The following CCDC33 variants were observed in gnomAD, a reference collection of about 807,000 sequenced individuals.
CCDC33 encodes the protein coiled-coil domain containing 33, also known as coiled-coil domain-containing protein 33.
A neutral mutation model predicts 91.9 loss-of-function variants in CCDC33; 94 were observed. The ratio of observed to expected loss-of-function variants is 1.02; its 90% CI spans 0.87 to 1.21. The LOEUF is 1.21. Among genes scored for constraint, CCDC33 ranks in the 50% most tolerant of loss-of-function variants. The pLI is 0.00. For missense variants in CCDC33, 940 were observed against 935.5 expected, an observed-to-expected ratio of 1.00 and a Z score of -0.06; for synonymous variants, 396 against 374.5, an observed-to-expected ratio of 1.06 and a Z score of -0.66.
intron 2 of CCDC33, among the ~76,000 whole-genome samples, chr15:74,222,408 T>TG (rs201976476): frequency 3.0e-3 from 1 of 338 alleles, no homozygotes; most frequent in Admixed American, 0.026. Context: ...AGGGGTGCAC[T>TG]GCTCCTCCCT....
chr15:74,289,610 G>A (rs1018419278), intron 10 of CCDC33, among the ~76,000 whole-genome samples: 12 of 152,174 alleles, frequency 7.9e-5, no homozygotes, highest in Non-Finnish European at 1.5e-4. Flanking sequence ...GCTACTTGGG[G>A]GCGTTGAGGC....
chr15:74,217,756 G>A (rs571263956), intron 1 of CCDC33, among the ~76,000 whole-genome samples: 7 of 152,222 alleles, frequency 4.6e-5, no homozygotes, highest in East Asian at 3.9e-4. Flanking sequence ...TTTGTAACCC[G>A]TGCCTCCTTC....
In CCDC33 at chr15:74,218,443, G is replaced by A; in HGVS notation, c.311-54G>A. 8.1e-7 allele frequency: 1 copy of A among 1,232,066 alleles called. No homozygotes were observed. Among genetic ancestry groups the A allele is most frequent in the South Asian group, 1.4e-5 (1 of 70,624 alleles). 76.3% of individuals were successfully genotyped at this position (1,232,066 alleles called of 1,614,324 possible). A position where few individuals can be genotyped will look rare whatever the true frequency, so the allele number is the denominator to read the frequency against. On this transcript the variant is annotated intron_variant, in intron 1 of 2. Transcript: ENST00000635913. The surrounding 1 kb of genome is among the most constrained non-coding windows in gnomAD (Gnocchi z 4.8). Reference sequence around the variant, plus strand: ...GCCCTGCCTGTCCTCCTAGTCACCTGGCAGATGCAGAGAAACCTGAGACCA... The same window carrying A: ...GCCCTGCCTGTCCTCCTAGTCACCTAGCAGATGCAGAGAAACCTGAGACCA...
intron 2 of CCDC33, among the ~76,000 whole-genome samples, chr15:74,255,052 T>C (rs1054786428): frequency 1.3e-5 from 2 of 151,936 alleles, no homozygotes; most frequent in African/African-American, 4.8e-5. Flanking sequence ...CTGGCCTCTA[T>C]ACTTTTTAAG....
chr15:74,272,845 T>C lies in CCDC33; in HGVS notation c.713T>C (p.Met238Thr), dbSNP rs759726985. The change falls in exon 7 of 19, where the codon ATG (methionine) becomes ACG (threonine). Residue 238 changes from methionine (M) to threonine (T), a missense_variant. By Grantham distance (81) the Met-to-Thr change is moderately conservative (BLOSUM62 -1). Transcript: ENST00000398814. ...CCACTGTCCTTCCCTATCCCGTCCA[T>C]GATGAACTTTGACGTGCCTCGCGTC... is the stretch of plus-strand genomic sequence containing the variant. ...ITPLSFPIPS[M>T]MNFDVPRVSQ... 3 of 1,614,248 alleles carry C rather than the reference T, an allele frequency of 1.9e-6. No individual in the cohort carries two copies. Among genetic ancestry groups the C allele is most frequent in the Non-Finnish European group, 2.5e-6 (3 of 1,180,046 alleles).
At chr15:74,318,234 A>G (rs918888945) in intron 11 of CCDC33, among the ~76,000 whole-genome samples, 20 of 151,880 alleles carry the variant, frequency 1.3e-4, no homozygotes, top group African/African-American at 4.8e-4. Context: ...GGAGGCAGAG[A>G]AAGTGGAGAA....
rs1306725027 is a variant in CCDC33 at position 74,271,742 on chromosome 15, C to T, written c.586C>T (p.Pro196Ser). 20 of 1,613,824 alleles carry T rather than the reference C, an allele frequency of 1.2e-5. No individual in the cohort carries two copies. The highest frequency in any genetic ancestry group is 1.6e-5 in the Non-Finnish European group (19 of 1,179,874). Residue 196 changes from proline to serine, a missense_variant, in exon 6 of 19, where the codon CCC becomes TCC. Coordinates refer to ENST00000398814, the MANE Select transcript of CCDC33 (RefSeq NM_025055.5). ...RGVNEPLANNPNPIVVIARVV... is the reference protein window; with the variant it reads ...RGVNEPLANNSNPIVVIARVV... ...AGTCAACGAGCCCCTGGCCAACAAC[C>T]CCAACCCCATAGTGGTGATTGCCCG...
In CCDC33 at chr15:74,281,825, C is replaced by G; in HGVS notation, c.1071C>G (p.Leu357=). The change falls in exon 10 of 19, where the codon CTC becomes CTG. Residue 357 remains leucine, a synonymous_variant. Coordinates refer to ENST00000398814, the MANE Select transcript of CCDC33 (RefSeq NM_025055.5). ...TINDEAPTVA[L]SFQLLSSERP... is the part of the protein sequence containing the mutation. ...ATGATGAGGCCCCCACAGTGGCTCT[C>G]TCCTTCCAGCTGCTTTCCTCTGAGG... is the stretch of plus-strand genomic sequence containing the variant. 6.8e-6 allele frequency: 11 copies of G among 1,614,098 alleles called. No individual in the cohort carries two copies. The highest frequency in any genetic ancestry group is 9.3e-6 in the Non-Finnish European group (11 of 1,179,986).
intron 1 of CCDC33, chr15:74,208,010 C>G: frequency 7.2e-7 from 1 of 1,389,056 alleles, no homozygotes; most frequent in Non-Finnish European, 9.3e-7. Flanking sequence ...ATGTGCCCTT[C>G]CTGCAATTCT....
intron 2 of CCDC33, among the ~76,000 whole-genome samples, chr15:74,223,715 C>T (rs1194602415): frequency 1.5e-5 from 2 of 135,814 alleles, no homozygotes; most frequent in Non-Finnish European, 3.1e-5. Flanking sequence ...CTGTGCCCAC[C>T]GCCAGCATAC....
chr15:74,299,338 C>G (rs550535118), intron 11 of CCDC33, among the ~76,000 whole-genome samples: 6 of 152,340 alleles, frequency 3.9e-5, no homozygotes, highest in Admixed American at 6.5e-5. Flanking sequence ...TAGGGCCACT[C>G]AGCCACCACC....
chr15:74,249,515 C>G (rs1201822723), intron 2 of CCDC33, among the ~76,000 whole-genome samples: 1 of 151,800 alleles, frequency 6.6e-6, no homozygotes, highest in Non-Finnish European at 1.5e-5. Context: ...ATAAAAACAA[C>G]TTGAATAGCC....
rs1461757309 is a variant in CCDC33, at chr15:74,271,787, G to A, written c.631G>A (p.Glu211Lys). 6.2e-7 allele frequency: 1 copy of A among 1,613,730 alleles called. No individual in the cohort carries two copies. The change falls in exon 6 of 19, where the codon GAA (glutamate) becomes AAA (lysine). Residue 211 changes from glutamate to lysine, a missense_variant. Coordinates refer to ENST00000398814, the MANE Select transcript of CCDC33 (RefSeq NM_025055.5). ...TGCCCGGGTCGTTCCCAACTACAAGGAATTTAAGTGAGTGGGGCCCAGGTG... is the reference window on the plus strand; with the variant it reads ...TGCCCGGGTCGTTCCCAACTACAAGAAATTTAAGTGAGTGGGGCCCAGGTG... Reference protein sequence around the residue: ...VIARVVPNYKEFKVSQANRDL... With the variant: ...VIARVVPNYKKFKVSQANRDL...
chr15:74,295,658 G>A lies in CCDC33; in HGVS notation c.1096-96G>A. On this transcript the variant is annotated intron_variant, in intron 10 of 18. Coordinates refer to ENST00000398814, the MANE Select transcript of CCDC33 (RefSeq NM_025055.5). ...AGCCATGCAGGGCCTCCTGAGCCATGAGGAGGAGAGGCTTGGGGTGTAGAT... is the reference window on the plus strand; with the variant it reads ...AGCCATGCAGGGCCTCCTGAGCCATAAGGAGGAGAGGCTTGGGGTGTAGAT... The A allele has an allele frequency of 5.6e-6, 6 of 1,064,436 alleles. No individual in the cohort carries two copies. The South Asian group carries it at 9.7e-5, about 17-fold the overall frequency. 65.9% of individuals were successfully genotyped at this position (1,064,436 alleles called of 1,614,324 possible). A position where few individuals can be genotyped will look rare whatever the true frequency, so the allele number is the denominator to read the frequency against.
intron 16 of CCDC33, chr15:74,333,304 A>G: frequency 6.3e-7 from 1 of 1,592,720 alleles, no homozygotes; most frequent in Non-Finnish European, 8.5e-7. Context: ...CAGAGTGCAC[A>G]GAGACCCTGC....
intron 2 of CCDC33, among the ~76,000 whole-genome samples, chr15:74,231,147 A>G (rs913572158): frequency 6.6e-6 from 1 of 152,192 alleles, no homozygotes; most frequent in Non-Finnish European, 1.5e-5. Context: ...GCAGGCCCCC[A>G]GAGCCTCCAG....
upstream of CCDC33, among the ~76,000 whole-genome samples, chr15:74,231,386 A>G (rs935161939): frequency 6.6e-6 from 1 of 152,208 alleles, no homozygotes; most frequent in Non-Finnish European, 1.5e-5. Context: ...CCGGCCAGCC[A>G]TGCCCAGCTG....
At chr15:74,311,050 C>T (rs1419214283) in intron 11 of CCDC33, among the ~76,000 whole-genome samples, 2 of 152,106 alleles carry the variant, frequency 1.3e-5, no homozygotes, top group Non-Finnish European at 2.9e-5. Flanking sequence ...CGTGATCTGC[C>T]TGGACAGGGC....
chr15:74,261,658 A>G (rs571812803), intron 2 of CCDC33, among the ~76,000 whole-genome samples: 3 of 152,208 alleles, frequency 2.0e-5, no homozygotes, highest in Non-Finnish European at 4.4e-5. Flanking sequence ...CCTCTTCTAC[A>G]GAAGAAGTAT....
Sources: allele counts gnomAD v4.1 joint callset (sites outside exome capture counted in the v4.1 genomes callset), GRCh38; gene constraint gnomAD v4.1.1; non-coding constraint Gnocchi (gnomAD v3.1); transcripts MANE v1.5; gene names NCBI Gene and HGNC (gene_info 2026-07-23, HGNC 2026-07-21).